The following EXOC4 variants were observed in gnomAD, a reference collection of about 807,000 sequenced individuals.
EXOC4 encodes the protein exocyst complex component 4.
In EXOC4, 71 loss-of-function variants were observed where a neutral mutation model predicts 107.2. That is an observed-to-expected ratio of 0.66 (90% CI 0.55 to 0.81). The LOEUF is 0.81. Ranked by LOEUF, EXOC4 falls within the 30% of genes least tolerant of loss-of-function variation. EXOC4 has a pLI of 0.00. For missense variants in EXOC4, 1,108 were observed against 1,189.6 expected (o/e 0.93, Z 1.01); for synonymous variants, 456 against 441.2 (o/e 1.03, Z -0.42).
chr7:133,480,319 T>C, intron 9 of EXOC4, 181 bp downstream of exon 9: 1 of 1,428,878 alleles, frequency 7.0e-7, no homozygotes, highest in East Asian at 2.6e-5. Flanking sequence ...ACTATTACTG[T>C]GGCCATAGGA....
chr7:134,067,665 A>ACACACT (rs1395810300), downstream of EXOC4, among the ~76,000 whole-genome samples: 1 of 7,850 alleles, frequency 1.3e-4, no homozygotes, highest in Non-Finnish European at 2.0e-4. Context: ...ACACACACAC[A>ACACACT]CACACACACA....
At chr7:133,836,193 G>A (rs1489175703) in intron 11 of EXOC4, among the ~76,000 whole-genome samples, 3 of 152,276 alleles carry the variant, frequency 2.0e-5, no homozygotes, top group Non-Finnish European at 4.4e-5. Context: ...AAGCCTGATT[G>A]TGTATAGTTA....
chr7:133,866,927 C>G (rs911026390), intron 11 of EXOC4, among the ~76,000 whole-genome samples: 1 of 152,222 alleles, frequency 6.6e-6, no homozygotes, highest in African/African-American at 2.4e-5. Context: ...CATGCCCTCT[C>G]TCCTGAAATG....
intron 9 of EXOC4, among the ~76,000 whole-genome samples, chr7:133,509,696 A>C (rs901173031): frequency 6.6e-6 from 1 of 152,218 alleles, no homozygotes; most frequent in Non-Finnish European, 1.5e-5. Flanking sequence ...TGGAGAGAGA[A>C]ATAAATGTCT....
intron 10 of EXOC4, among the ~76,000 whole-genome samples, chr7:133,761,695 C>T (rs747662741): frequency 1.1e-4 from 17 of 152,294 alleles, no homozygotes; most frequent in Non-Finnish European, 2.5e-4. Context: ...ATCAGCTTTT[C>T]AATGTGCGGT....
chr7:133,735,867 A>G (rs937494961), intron 10 of EXOC4, among the ~76,000 whole-genome samples: 1 of 152,220 alleles, frequency 6.6e-6, no homozygotes, highest in African/African-American at 2.4e-5. Context: ...CAGGCAGATC[A>G]CTTGAGGTTA....
intron 5 of EXOC4, among the ~76,000 whole-genome samples, chr7:133,348,935 A>G (rs1389720017): frequency 6.6e-6 from 1 of 152,162 alleles, no homozygotes; most frequent in Non-Finnish European, 1.5e-5. Context: ...ATATCATCAA[A>G]TGCACTCCAC....
intron 5 of EXOC4, among the ~76,000 whole-genome samples, chr7:133,339,825 A>G (rs1306059100): frequency 6.6e-6 from 1 of 152,206 alleles, no homozygotes; most frequent in Non-Finnish European, 1.5e-5. Context: ...CACAGTTGGC[A>G]TATAGCAGTG....
chr7:133,360,388 T>G (rs1403240795), intron 6 of EXOC4, among the ~76,000 whole-genome samples: 1 of 152,202 alleles, frequency 6.6e-6, no homozygotes, highest in Non-Finnish European at 1.5e-5. Context: ...CCTGTTTAAA[T>G]GCAAAGGCAA....
intron 12 of EXOC4, among the ~76,000 whole-genome samples, chr7:133,899,993 C>G (rs573641801): frequency 4.7e-4 from 72 of 152,228 alleles, no homozygotes; most frequent in Non-Finnish European, 7.4e-4. Flanking sequence ...TCAAGCGATT[C>G]TCCCACCGCC....
At chr7:133,287,301 A>T (rs1327212613) in intron 2 of EXOC4, among the ~76,000 whole-genome samples, 2 of 14 alleles carry the variant, frequency 0.14, no homozygotes, top group Non-Finnish European at 0.2. Context: ...TCAGTCTATT[A>T]TATATATATA....
chr7:133,316,826 C>G (rs1795001218), intron 4 of EXOC4, among the ~76,000 whole-genome samples: 1 of 152,102 alleles, frequency 6.6e-6, no homozygotes, highest in Non-Finnish European at 1.5e-5. Flanking sequence ...CGGCATATGT[C>G]AAAAACTATA....
At chr7:134,053,020 T>C (rs535158157) in intron 17 of EXOC4, among the ~76,000 whole-genome samples, 1 of 152,332 alleles carries the variant, frequency 6.6e-6, no homozygotes, top group East Asian at 1.9e-4. Context: ...CCATACTTAA[T>C]GACATGTATA....
chr7:133,674,793 G>A (rs925957319), intron 10 of EXOC4, among the ~76,000 whole-genome samples: 3 of 152,134 alleles, frequency 2.0e-5, no homozygotes, highest in African/African-American at 7.2e-5. Flanking sequence ...TGGGCCTATG[G>A]TAAAACTCAC....
Position 133,613,782 on chromosome 7 carries a change from C to T in EXOC4, c.1418-16263C>T, listed in dbSNP as rs113136665. Among the ~76,000 whole-genome samples, 9 of 152,144 alleles carry T rather than the reference C, an allele frequency of 5.9e-5. No individual in the cohort carries two copies. The East Asian group carries it at 9.7e-4, about 16-fold the overall frequency. Reference sequence around the variant, plus strand: ...AGGCATGAAAACCTTGTTCTTTTCACGAAATACCTTTTTATCTGGTATTGA... The same window carrying T: ...AGGCATGAAAACCTTGTTCTTTTCATGAAATACCTTTTTATCTGGTATTGA... On this transcript the variant is annotated intron_variant, in intron 9 of 17. Coordinates refer to ENST00000253861, the MANE Select transcript of EXOC4 (RefSeq NM_021807.4).
chr7:133,570,838 G>A (rs551777458), intron 9 of EXOC4, among the ~76,000 whole-genome samples: 1 of 152,328 alleles, frequency 6.6e-6, no homozygotes, highest in South Asian at 2.1e-4. Flanking sequence ...TTAGGCTGAT[G>A]TGTGTTTATT....
chr7:133,644,107 C>T (rs1802930756), intron 10 of EXOC4, among the ~76,000 whole-genome samples: 1 of 152,206 alleles, frequency 6.6e-6, no homozygotes, highest in African/African-American at 2.4e-5. Context: ...CTTTGATTCT[C>T]TGTTTTTATA....
intron 5 of EXOC4, among the ~76,000 whole-genome samples, chr7:133,329,872 G>A (rs996132059): frequency 2.6e-5 from 4 of 152,216 alleles, no homozygotes; most frequent in African/African-American, 7.2e-5. Context: ...CCCCTACTGG[G>A]AGGTGTCTCC....
chr7:133,925,996 G>C (rs1450769157), intron 13 of EXOC4, among the ~76,000 whole-genome samples: 1 of 141,100 alleles, frequency 7.1e-6, no homozygotes, highest in African/African-American at 2.7e-5. Flanking sequence ...CCGAGATTGC[G>C]CCACTGACTG....
Sources: gnomAD v4.1 joint callset for allele counts (sites outside exome capture counted in the v4.1 genomes callset) on GRCh38, gnomAD v4.1.1 for gene constraint, MANE v1.5 for transcripts, NCBI Gene and HGNC (gene_info 2026-07-23, HGNC 2026-07-21) for gene names.